The following DHCR24 variants were observed in gnomAD, a reference collection of about 807,000 sequenced individuals.
The protein encoded by DHCR24 is delta(24)-sterol reductase.
DHCR24 carries 28 observed loss-of-function variants against 61.2 expected under a neutral mutation model. The ratio of observed to expected loss-of-function variants is 0.46; its 90% CI spans 0.34 to 0.63. The LOEUF is 0.63. DHCR24 is among the 20% of genes least tolerant of loss of function. The probability of loss-of-function intolerance (pLI) is 0.01; values close to 1 mark genes in which losing one functional copy is unlikely to be tolerated. For synonymous variants in DHCR24, 261 were observed against 275.9 expected, an observed-to-expected ratio of 0.95 and a Z score of 0.54; for missense variants, 538 against 679.1, an observed-to-expected ratio of 0.79 and a Z score of 2.31.
At chr1:54,861,793 C>T (rs1243541977) in intron 6 of DHCR24, among the ~76,000 whole-genome samples, 1 of 152,186 alleles carries the variant, frequency 6.6e-6, no homozygotes, top group African/African-American at 2.4e-5. Flanking sequence ...TGCTGCCTGG[C>T]AATGCCACAG....
chr1:54,886,113 A>G (rs1259639208), intron 1 of DHCR24, among the ~76,000 whole-genome samples: 1 of 152,194 alleles, frequency 6.6e-6, no homozygotes, highest in Non-Finnish European at 1.5e-5. Context: ...CCTGATGCCA[A>G]CAAGAGAGGA....
intron 2 of DHCR24, among the ~76,000 whole-genome samples, chr1:54,879,494 G>A (rs1647054030): frequency 6.6e-6 from 1 of 152,036 alleles, no homozygotes; most frequent in South Asian, 2.1e-4. Context: ...CAAAATGAAA[G>A]AGAGGAAAAA....
chr1:54,885,564 T>C (rs1647088426), intron 1 of DHCR24, among the ~76,000 whole-genome samples: 1 of 152,302 alleles, frequency 6.6e-6, no homozygotes, highest in East Asian at 1.9e-4. Context: ...CAATTTTCCC[T>C]GTTTGTAAGA....
rs1466805325 is a variant in DHCR24 at position 54,887,009 on chromosome 1, G to A, written c.111C>T (p.Leu37=). Residue 37 remains leucine (L), a synonymous_variant, in exon 1 of 9, where the codon CTC becomes CTT. Transcript: ENST00000371269. The stretch of plus-strand genomic sequence containing the variant: ...AGATAAGCGAGAGCGGCAGGAGGAA[G>A]AGGCACACGAACACCCAGCGCTGGT... The part of the protein sequence containing the change: ...LIHQRWVFVC[L]FLLPLSLIFD... 6.2e-7 allele frequency: 1 copy of A among 1,613,624 alleles called. No individual in the cohort carries two copies.
rs548889140 is a variant in DHCR24 at position 54,882,164 on chromosome 1, A to G, written c.387+1454T>C. 5.3e-5 allele frequency among the ~76,000 whole-genome samples: 8 copies of G among 152,338 alleles called. No individual in the cohort carries two copies. The East Asian group carries it at 1.5e-3, about 29-fold the overall frequency. ...AAAAAAAGATGTTTCCAGAATATAT[A>G]AGAAAACCACCTGAATTTTTTTAAA... On this transcript the variant is annotated intron_variant, in intron 2 of 8. Transcript: ENST00000371269.
Position 54,877,085 on chromosome 1 carries a change from C to T in DHCR24, c.388-1038G>A, listed in dbSNP as rs565877314. ...TTCCAAAGGAGCTAATCAGAATATG[C>T]ATCTATCTCAGTGAGCAGAGGGATG... On this transcript the variant is annotated intron_variant, in intron 2 of 8. Coordinates refer to ENST00000371269, the MANE Select transcript of DHCR24 (RefSeq NM_014762.4). Among the ~76,000 whole-genome samples, 7 of 151,992 alleles carry T rather than the reference C, an allele frequency of 4.6e-5. 1 individual carries two copies. The East Asian group carries it at 6.0e-4, about 13-fold the overall frequency.
At chr1:54,860,057 T>C (rs1339023702) in intron 6 of DHCR24, among the ~76,000 whole-genome samples, 1 of 152,124 alleles carries the variant, frequency 6.6e-6, no homozygotes, top group Non-Finnish European at 1.5e-5. Context: ...CAGGCCATGA[T>C]GAGACCCTCA....
chr1:54,853,369 T>C (rs1009883567), intron 8 of DHCR24, 65 bp downstream of exon 8: 3 of 1,600,598 alleles, frequency 1.9e-6, no homozygotes, highest in Non-Finnish European at 2.6e-6. Context: ...GCTGGCCTCA[T>C]TCCCCTGGAG....
intron 1 of DHCR24, chr1:54,886,497 A>C (rs1375704101): frequency 2.2e-6 from 2 of 894,236 alleles, no homozygotes; most frequent in African/African-American, 3.4e-5. Context: ...ATTTGCTCAC[A>C]CCAGTCCCTC....
intron 2 of DHCR24, among the ~76,000 whole-genome samples, chr1:54,880,874 C>T (rs935352908): frequency 3.9e-4 from 59 of 152,074 alleles, no homozygotes; most frequent in African/African-American, 1.2e-3. Context: ...TTTGGCCAGG[C>T]GTGGTGGCTC....
intron 4 of DHCR24, among the ~76,000 whole-genome samples, chr1:54,874,547 C>T (rs1430735552): frequency 6.6e-6 from 1 of 152,164 alleles, no homozygotes; most frequent in African/African-American, 2.4e-5. Flanking sequence ...TGTAATTACA[C>T]TCTTATGATG....
intron 6 of DHCR24, among the ~76,000 whole-genome samples, chr1:54,854,750 A>C (rs904241387): frequency 3.3e-5 from 5 of 152,204 alleles, no homozygotes; most frequent in African/African-American, 1.2e-4. Flanking sequence ...AGTCTGGCTC[A>C]GGTTCGACAA....
intron 6 of DHCR24, 135 bp downstream of exon 6, chr1:54,865,168 A>T: frequency 9.3e-7 from 1 of 1,072,584 alleles, no homozygotes; most frequent in Non-Finnish European, 1.4e-6. Flanking sequence ...GTTGCTGCTT[A>T]AGAAGGCATT....
At chr1:54,875,881 C>A in intron 3 of DHCR24, 61 bp downstream of exon 3, 2 of 1,387,160 alleles carry the variant, frequency 1.4e-6, no homozygotes, top group Non-Finnish European at 2.1e-6. Flanking sequence ...GTGGCCAAGG[C>A]CCATCAGCTC....
intron 5 of DHCR24, among the ~76,000 whole-genome samples, chr1:54,869,582 T>TAC (rs1246880514): frequency 9.3e-6 from 1 of 107,088 alleles, no homozygotes; most frequent in Non-Finnish European, 2.1e-5. Context: ...CATGCACACA[T>TAC]ACATATACAC....
chr1:54,868,566 C>T (rs1264807021), intron 5 of DHCR24, among the ~76,000 whole-genome samples: 1 of 152,066 alleles, frequency 6.6e-6, no homozygotes, highest in Non-Finnish European at 1.5e-5. Flanking sequence ...CTTAAATTTC[C>T]AACTATGGGC....
At position 54,887,170 on chromosome 1, in the gene DHCR24, C is replaced by A. The variant is rs17552526; in HGVS notation, c.-51G>T. The A allele has an allele frequency of 3.0e-3, 4,447 of 1,465,562 alleles. 221 individuals carry two copies. The East Asian group carries it at 0.094, about 31-fold the overall frequency. The allele number at this position is 1,465,562 out of a possible 1,614,324, so 90.8% of individuals were successfully genotyped here. ...GCGGGTTCGCGCCTCCTGTCACTGC[C>A]GCCAGCTCCGCGCCTGGCCCGCTCT... On this transcript the variant is annotated 5_prime_UTR_variant, in exon 1 of 9. Transcript: ENST00000371269.
At chr1:54,885,874 C>T (rs1570206350) in intron 1 of DHCR24, among the ~76,000 whole-genome samples, 1 of 152,128 alleles carries the variant, frequency 6.6e-6, no homozygotes, top group East Asian at 1.9e-4. Flanking sequence ...AGGGAGGACA[C>T]GCAGAGGCTC....
chr1:54,874,588 G>T (rs1419848704), intron 4 of DHCR24, among the ~76,000 whole-genome samples: 1 of 152,120 alleles, frequency 6.6e-6, no homozygotes. Flanking sequence ...CCTACAACTT[G>T]TTTCTTATAA....
Sources: gnomAD v4.1 joint callset for allele counts (sites outside exome capture counted in the v4.1 genomes callset) on GRCh38, gnomAD v4.1.1 for gene constraint, MANE v1.5 for transcripts, NCBI Gene and HGNC (gene_info 2026-07-23, HGNC 2026-07-21) for gene names.